The following GABRA4 variants were observed in gnomAD, a reference collection of about 807,000 sequenced individuals.
The protein encoded by GABRA4 is gamma-aminobutyric acid type A receptor subunit alpha4.
In GABRA4, 12 loss-of-function variants were observed where a neutral mutation model predicts 49.7. The ratio of observed to expected loss-of-function variants is 0.24; its 90% CI spans 0.15 to 0.39. The LOEUF (loss-of-function observed/expected upper bound fraction) is 0.39, where lower values mean the gene tolerates loss of function less well. GABRA4 is among the 10% of genes least tolerant of loss of function. GABRA4 has a pLI of 1.00. For synonymous variants in GABRA4, 288 were observed against 240.2 expected (o/e 1.20, Z -1.84); for missense variants, 506 against 686.0 (o/e 0.74, Z 2.93).
rs576043843 is a variant in GABRA4 at position 46,925,446 on chromosome 4, G to A, written c.*2779C>T. The A allele has an allele frequency of 1.3e-5, 2 of 151,908 alleles. No homozygotes were observed. The highest frequency in any genetic ancestry group is 2.1e-4 in the South Asian group (1 of 4,826). The allele number at this position is 151,908 out of a possible 1,614,324, so 9.4% of individuals were successfully genotyped here. On this transcript the variant is annotated 3_prime_UTR_variant, in exon 9 of 9. Transcript: ENST00000264318. ...ACATGGACTGCAGATACTAGGTCCT[G>A]AATAAAATTATTCTGAATTTCATCT...
At chr4:46,990,712 C>T (rs1400937602) in intron 2 of GABRA4, among the ~76,000 whole-genome samples, 4 of 152,020 alleles carry the variant, frequency 2.6e-5, no homozygotes, top group Admixed American at 1.3e-4. Context: ...ATCATCTGAA[C>T]GATTCTCCAC....
intron 2 of GABRA4, among the ~76,000 whole-genome samples, chr4:46,984,903 C>G (rs1163816279): frequency 6.6e-6 from 1 of 151,954 alleles, no homozygotes; most frequent in Non-Finnish European, 1.5e-5. Context: ...CTCCCACTTA[C>G]ACTAAGATCC....
At chr4:46,957,817 A>C (rs902436860) in intron 8 of GABRA4, among the ~76,000 whole-genome samples, 1 of 151,990 alleles carries the variant, frequency 6.6e-6, no homozygotes, top group Non-Finnish European at 1.5e-5. Context: ...TCATTAACTA[A>C]TAATTTACTC....
chr4:46,931,597 T>C (rs1721438858), intron 8 of GABRA4, among the ~76,000 whole-genome samples: 1 of 152,138 alleles, frequency 6.6e-6, no homozygotes. Context: ...TACCCACTCC[T>C]GACCCATCCA....
intron 8 of GABRA4, among the ~76,000 whole-genome samples, chr4:46,939,608 G>A (rs1459906970): frequency 2.0e-5 from 3 of 151,854 alleles, no homozygotes; most frequent in Non-Finnish European, 2.9e-5. Flanking sequence ...ATATACTCAT[G>A]GAATTAAAAA....
At position 46,919,183 on chromosome 4, in the gene GABRA4, C is replaced by T. The variant is rs1720885529; in HGVS notation, c.*9042G>A. 1 of 151,434 alleles carries T rather than the reference C, an allele frequency of 6.6e-6. No individual in the cohort carries two copies. The highest frequency in any genetic ancestry group is 1.5e-5 in the Non-Finnish European group (1 of 67,540). 9.4% of individuals were successfully genotyped at this position (151,434 alleles called of 1,614,324 possible). The stretch of plus-strand genomic sequence containing the variant: ...CTATTACCATAAGTAATAAGTTGAG[C>T]TTTGAAAAGCAAGGGACATTTACTT... On this transcript the variant is annotated 3_prime_UTR_variant, in exon 9 of 9. Coordinates refer to ENST00000264318, the MANE Select transcript of GABRA4 (RefSeq NM_000809.4).
intron 7 of GABRA4, among the ~76,000 whole-genome samples, chr4:46,969,965 C>G (rs1032099491): frequency 7.9e-5 from 12 of 151,286 alleles, no homozygotes; most frequent in Admixed American, 6.6e-5. Context: ...CATTGCCCCC[C>G]CATATGAGTT....
rs1721270628 is a variant in GABRA4, at chr4:46,927,562, A to C, written c.*663T>G. On this transcript the variant is annotated 3_prime_UTR_variant, in exon 9 of 9. Transcript: ENST00000264318. ...ATAACTGAATGAACTACCATGAAAAAGAATTCATACAATGAGTTAAACTTT... is the reference window on the plus strand; with the variant it reads ...ATAACTGAATGAACTACCATGAAAACGAATTCATACAATGAGTTAAACTTT... 6.6e-6 allele frequency: 1 copy of C among 152,552 alleles called. No individual in the cohort carries two copies. The highest frequency in any genetic ancestry group is 2.1e-4 in the South Asian group (1 of 4,832). The allele number at this position is 152,552 out of a possible 1,614,324, so 9.4% of individuals were successfully genotyped here.
At position 46,965,141 on chromosome 4, in the gene GABRA4, C is replaced by G; in HGVS notation, c.963G>C (p.Trp321Cys). The change falls in exon 8 of 9, where the codon TGG (tryptophan) becomes TGC (cysteine). Residue 321 changes from tryptophan to cysteine, a missense_variant. Physicochemically the swap from Trp to Cys is radical, Grantham distance 215. Transcript: ENST00000264318. ...PKVSYATAMD[W>C]FIAVCFAFVF... is the part of the protein sequence containing the mutation. ...CAAAAGCAAAGCAGACAGCTATGAA[C>G]CAGTCCATGGCGGTAGCATAGGACA... 6.2e-7 allele frequency: 1 copy of G among 1,611,996 alleles called. No individual in the cohort carries two copies. The highest frequency in any genetic ancestry group is 8.5e-7 in the Non-Finnish European group (1 of 1,178,770).
chr4:46,985,771 G>A (rs1723510911), intron 2 of GABRA4, among the ~76,000 whole-genome samples: 1 of 151,868 alleles, frequency 6.6e-6, no homozygotes, highest in African/African-American at 2.4e-5. Flanking sequence ...TATAGCACCA[G>A]TATATTGTAT....
intron 8 of GABRA4, among the ~76,000 whole-genome samples, chr4:46,934,746 T>G (rs1456571381): frequency 6.6e-6 from 1 of 152,184 alleles, no homozygotes; most frequent in Non-Finnish European, 1.5e-5. Context: ...TGTGATTACT[T>G]TTGTTTCATA....
At position 46,977,107 on chromosome 4, in the gene GABRA4, C is replaced by A. The variant is rs1172404084; in HGVS notation, c.531G>T (p.Val177=). ...ATGCATGACCATCCATGGGAAAATCCACCAATCTCATGGGACACTCCGCAC... is the reference window on the plus strand; with the variant it reads ...ATGCATGACCATCCATGGGAAAATCAACCAATCTCATGGGACACTCCGCAC... ...TISAECPMRL[V]DFPMDGHACP... The change falls in exon 5 of 9, where the codon GTG becomes GTT. Residue 177 remains valine (V), a synonymous_variant. Transcript: ENST00000264318. The A allele has an allele frequency of 6.2e-7, 1 of 1,609,818 alleles. No homozygotes were observed. The highest frequency in any genetic ancestry group is 2.2e-5 in the East Asian group (1 of 44,642).
intron 2 of GABRA4, among the ~76,000 whole-genome samples, chr4:46,980,235 A>T (rs985426069): frequency 1.3e-5 from 2 of 152,116 alleles, no homozygotes; most frequent in African/African-American, 4.8e-5. Flanking sequence ...GTTGCCCTTG[A>T]ACATAACTTC....
intron 8 of GABRA4, among the ~76,000 whole-genome samples, chr4:46,929,244 T>G (rs951106472): frequency 1.4e-4 from 21 of 152,006 alleles, no homozygotes; most frequent in African/African-American, 4.8e-4. Context: ...GTACCTAACA[T>G]TCCTTTATTT....
At chr4:46,961,317 CT>C (rs1382090515) in intron 8 of GABRA4, among the ~76,000 whole-genome samples, 1 of 151,880 alleles carries the variant, frequency 6.6e-6, no homozygotes, top group Non-Finnish European at 1.5e-5. Flanking sequence ...CAGCTGGCAT[CT>C]CTCTGAGAAC....
In GABRA4 at chr4:46,922,450, C is replaced by A. The variant is rs1560456114; in HGVS notation, c.*5775G>T. ...GTGATTAATAGAAAGAAACCAGCCC[C>A]AAAAATAGGCAAGGGAGATAAAACC... On this transcript the variant is annotated 3_prime_UTR_variant, in exon 9 of 9. Coordinates refer to ENST00000264318, the MANE Select transcript of GABRA4 (RefSeq NM_000809.4). The A allele has an allele frequency of 6.6e-6, 1 of 151,800 alleles. No individual in the cohort carries two copies. Among genetic ancestry groups the A allele is most frequent in the African/African-American group, 2.4e-5 (1 of 41,296 alleles). The allele number at this position is 151,800 out of a possible 1,614,324, so 9.4% of individuals were successfully genotyped here.
chr4:46,972,121 A>T (rs192511585), intron 6 of GABRA4, among the ~76,000 whole-genome samples: 2 of 151,722 alleles, frequency 1.3e-5, no homozygotes, highest in African/African-American at 4.8e-5. Flanking sequence ...CCCTTCCAAA[A>T]ATAAATTTTC....
rs1722701201 is a variant in GABRA4, at chr4:46,964,991, C to T, written c.1113G>A (p.Lys371=). Residue 371 remains lysine, a synonymous_variant, in exon 8 of 9, where the codon AAG becomes AAA. Coordinates refer to ENST00000264318, the MANE Select transcript of GABRA4 (RefSeq NM_000809.4). The part of the protein sequence containing the change: ...EVPAAPVQRE[K]HPEAPLQNTN... ...ATACCTGCAGAGGGGCTTCAGGATG[C>T]TTCTCTCTCTGCACTGGAGCAGCGG... The T allele has an allele frequency of 1.2e-6, 2 of 1,606,418 alleles. No homozygotes were observed. The highest frequency in any genetic ancestry group is 2.2e-5 in the East Asian group (1 of 44,462).
At chr4:46,991,084 G>A (rs905139542) in intron 2 of GABRA4, among the ~76,000 whole-genome samples, 1 of 152,146 alleles carries the variant, frequency 6.6e-6, no homozygotes, top group Non-Finnish European at 1.5e-5. Flanking sequence ...TACTCTGGGG[G>A]CTGAGGCAGG....
Sources: gnomAD v4.1 joint callset for allele counts (sites outside exome capture counted in the v4.1 genomes callset) on GRCh38, gnomAD v4.1.1 for gene constraint, MANE v1.5 for transcripts, NCBI Gene and HGNC (gene_info 2026-07-23, HGNC 2026-07-21) for gene names.